CFAP77: variants seen among roughly 807,000 people sequenced by gnomAD.
CFAP77 encodes cilia and flagella associated protein 77, also known as cilia- and flagella-associated protein 77.
Under a neutral mutation model 31.1 loss-of-function variants are expected in CFAP77, and 25 were observed. That is an observed-to-expected ratio of 0.80 (90% confidence interval 0.59 to 1.12). The LOEUF is 1.12. Ranked by LOEUF, CFAP77 falls within the 50% of genes most tolerant of loss-of-function variation. CFAP77 has a pLI of 0.00. For missense variants in CFAP77, 377 were observed against 397.3 expected (o/e 0.95, Z 0.44); for synonymous variants, 151 against 159.9 (o/e 0.94, Z 0.42).
intron 5 of CFAP77, among the ~76,000 whole-genome samples, chr9:132,544,140 C>T (rs1313163990): frequency 7.0e-6 from 1 of 142,804 alleles, no homozygotes; most frequent in East Asian, 2.0e-4. Flanking sequence ...AGAGCTTCAC[C>T]GGAGAAACCT....
In CFAP77 at chr9:132,466,637, C is replaced by T. The variant is rs1473191560; in HGVS notation, c.196-32058C>T. Among the ~76,000 whole-genome samples, 6 of 152,284 alleles carry T rather than the reference C, an allele frequency of 3.9e-5. No individual in the cohort carries two copies. In the East Asian group the frequency reaches 1.2e-3, roughly 29 times the overall value. ...GGTGTGGGGACACCTGGCAGAGGTG[C>T]CCCAAAGAGCTATTTTTCCTCTTCA... is the stretch of plus-strand genomic sequence containing the variant. On this transcript the variant is annotated intron_variant, in intron 1 of 5. Coordinates refer to ENST00000393216, the MANE Select transcript of CFAP77 (RefSeq NM_001282957.2).
At chr9:132,468,810 C>G (rs1003211737) in intron 1 of CFAP77, among the ~76,000 whole-genome samples, 1 of 131,238 alleles carries the variant, frequency 7.6e-6, no homozygotes, top group Non-Finnish European at 1.8e-5. Flanking sequence ...CACACACACA[C>G]GCACGCACAC....
Position 132,455,516 on chromosome 9 carries a change from CA to C in CFAP77, c.196-43172del, listed in dbSNP as rs1326787448. On this transcript the variant is annotated intron_variant, in intron 1 of 5. Transcript: ENST00000393216. The surrounding 1 kb of genome is among the most constrained non-coding windows in gnomAD (Gnocchi z 4.1). ...GAGCGAGACTCCTGAAAAAAAAAAACAAAAAAACTTCGAGACCAGCCTGGGC... is the reference window on the plus strand; with the variant it reads ...GAGCGAGACTCCTGAAAAAAAAAAACAAAAAACTTCGAGACCAGCCTGGGC... Among the ~76,000 whole-genome samples the C allele has an allele frequency of 1.3e-5, 2 of 149,360 alleles. No individual in the cohort carries two copies. The highest frequency in any genetic ancestry group is 3.0e-5 in the Non-Finnish European group (2 of 67,328).
intron 3 of CFAP77, among the ~76,000 whole-genome samples, chr9:132,505,847 C>T (rs1362377015): frequency 6.6e-6 from 1 of 152,170 alleles, no homozygotes; most frequent in Non-Finnish European, 1.5e-5. Flanking sequence ...GTTTGGAACC[C>T]CTGGTGTAGA....
chr9:132,436,175 C>T (rs1850500637), intron 1 of CFAP77, among the ~76,000 whole-genome samples: 1 of 152,172 alleles, frequency 6.6e-6, no homozygotes, highest in South Asian at 2.1e-4. Context: ...ACAGGTGCTA[C>T]CTGGGCCAAG....
intron 3 of CFAP77, chr9:132,513,179 T>A: frequency 7.1e-7 from 1 of 1,399,204 alleles, no homozygotes; most frequent in Non-Finnish European, 9.6e-7. Context: ...TAGTTATTTT[T>A]AAATGTGCAA....
intron 1 of CFAP77, among the ~76,000 whole-genome samples, chr9:132,458,343 G>GT (rs71791194): frequency 0.039 from 3,860 of 98,010 alleles, 108 homozygotes; most frequent in East Asian, 0.084. Context: ...TCTCCCTGGC[G>GT]GGGGAGGGGG....
At chr9:132,415,599 C>T (rs1049450363) in intron 1 of CFAP77, among the ~76,000 whole-genome samples, 16 of 152,200 alleles carry the variant, frequency 1.1e-4, no homozygotes, top group African/African-American at 2.7e-4. Flanking sequence ...ACTGCGGTGG[C>T]GTGGCAGGAA....
chr9:132,467,030 T>C (rs1424125434), intron 1 of CFAP77, among the ~76,000 whole-genome samples: 1 of 151,814 alleles, frequency 6.6e-6, no homozygotes, highest in Non-Finnish European at 1.5e-5. Context: ...ATACAAAAAT[T>C]AGCCAGGCGT....
chr9:132,516,113 C>T (rs1322299585), intron 3 of CFAP77, among the ~76,000 whole-genome samples: 2 of 152,166 alleles, frequency 1.3e-5, no homozygotes, highest in African/African-American at 4.8e-5. Flanking sequence ...CAGTTGTGGA[C>T]ACATAGGAAT....
chr9:132,486,090 A>ATAT (rs1281539306), intron 1 of CFAP77, among the ~76,000 whole-genome samples: 2 of 15,362 alleles, frequency 1.3e-4, no homozygotes, highest in African/African-American at 8.6e-4. Flanking sequence ...ATATATATAT[A>ATAT]TTTTTTTTTT....
chr9:132,422,531 G>A (rs1355377219), intron 1 of CFAP77, among the ~76,000 whole-genome samples: 1 of 152,194 alleles, frequency 6.6e-6, no homozygotes, highest in Admixed American at 6.5e-5. Flanking sequence ...GTTCACATGA[G>A]CAATGGGACG....
intron 3 of CFAP77, among the ~76,000 whole-genome samples, chr9:132,526,479 G>A (rs540375355): frequency 3.3e-5 from 5 of 151,954 alleles, no homozygotes; most frequent in East Asian, 1.9e-4. Context: ...TGATCCGTCC[G>A]CCTCGGCCTC....
chr9:132,550,840 C>T (rs958154184), intron 5 of CFAP77, among the ~76,000 whole-genome samples: 1 of 152,050 alleles, frequency 6.6e-6, no homozygotes, highest in Non-Finnish European at 1.5e-5. Flanking sequence ...GATATGGGGC[C>T]GTCAGCAGGT....
intron 1 of CFAP77, among the ~76,000 whole-genome samples, chr9:132,443,314 C>T (rs548783619): frequency 1.2e-4 from 18 of 149,476 alleles, no homozygotes; most frequent in African/African-American, 3.0e-4. Context: ...AGTGCAACGG[C>T]GTGATCTCGG....
chr9:132,459,156 C>T (rs1448966236), intron 1 of CFAP77, among the ~76,000 whole-genome samples: 3 of 151,478 alleles, frequency 2.0e-5, no homozygotes, highest in Non-Finnish European at 4.4e-5. Flanking sequence ...ACTGCAAGCT[C>T]CGCCTCCCAG....
rs146042759 is a variant in CFAP77, at chr9:132,521,503, T to G, written c.525-16098T>G. ...GGAGCTCAGAGCCTGGTGGGAAAGG[T>G]GGACCCTGAGCCGACTATTATAAAG... On this transcript the variant is annotated intron_variant, in intron 3 of 5. Coordinates refer to ENST00000393216, the MANE Select transcript of CFAP77 (RefSeq NM_001282957.2). 1.5e-3 allele frequency among the ~76,000 whole-genome samples: 221 copies of G among 152,136 alleles called. 1 individual carries two copies. Among genetic ancestry groups the G allele is most frequent in the African/African-American group, 5.2e-3 (217 of 41,494 alleles).
At chr9:132,494,520 G>T (rs1229396823) in intron 1 of CFAP77, among the ~76,000 whole-genome samples, 1 of 152,180 alleles carries the variant, frequency 6.6e-6, no homozygotes, top group Non-Finnish European at 1.5e-5. Flanking sequence ...CTAGCAGTTG[G>T]CTATCATGAA....
At chr9:132,532,507 A>C (rs1042465448) in intron 3 of CFAP77, among the ~76,000 whole-genome samples, 4 of 152,192 alleles carry the variant, frequency 2.6e-5, no homozygotes, top group African/African-American at 9.7e-5. Flanking sequence ...AACACACTCC[A>C]GGAAGTTGTT....
Sources: gnomAD v4.1 joint callset for allele counts (sites outside exome capture counted in the v4.1 genomes callset) on GRCh38, gnomAD v4.1.1 for gene constraint, Gnocchi (gnomAD v3.1) non-coding constraint, MANE v1.5 for transcripts, NCBI Gene and HGNC (gene_info 2026-07-23, HGNC 2026-07-21) for gene names.